PLAGL1: variants seen among roughly 807,000 people sequenced by gnomAD.
The protein encoded by PLAGL1 is PLAG1 like zinc finger 1.
PLAGL1 carries 1 observed loss-of-function variant against 4.6 expected under a neutral mutation model. That is an observed-to-expected ratio of 0.22 (90% CI 0.08 to 1.03). The LOEUF is 1.03. Ranked by LOEUF, PLAGL1 falls within the 50% of genes least tolerant of loss-of-function variation. The pLI is 0.58. For missense variants in PLAGL1, 464 were observed against 570.4 expected (o/e 0.81, Z 1.90); for synonymous variants, 240 against 237.8 (o/e 1.01, Z -0.08).
In PLAGL1 at chr6:143,997,968, C is replaced by T. The variant is rs548569936; in HGVS notation, c.-584+10122G>A. ...CCTCAACAGAAGCAGAGAAAAAGTA[C>T]TTTATGAAAGATAATTAGACTCTTT... On this transcript the variant is annotated intron_variant, in intron 1 of 7. Coordinates refer to ENST00000674357, the MANE Select transcript of PLAGL1 (RefSeq NM_001317162.2). The surrounding 1 kb of genome is among the most constrained non-coding windows in gnomAD (Gnocchi z 4.6). Among the ~76,000 whole-genome samples, 1 of 152,110 alleles carries T rather than the reference C, an allele frequency of 6.6e-6. No homozygotes were observed. The highest frequency in any genetic ancestry group is 1.5e-5 in the Non-Finnish European group (1 of 68,024).
rs2128555564 is a variant in PLAGL1 at position 143,960,849 on chromosome 6, A to G, written c.-398-307T>C. 6.6e-6 allele frequency: 1 copy of G among 152,342 alleles called. No individual in the cohort carries two copies. The highest frequency in any genetic ancestry group is 1.9e-4 in the East Asian group (1 of 5,186). 9.4% of individuals were successfully genotyped at this position (152,342 alleles called of 1,614,324 possible). A position where few individuals can be genotyped will look rare whatever the true frequency, so the allele number is the denominator to read the frequency against. ...GCACTCAGAGGAAATGGTATTTTTT[A>G]AAACCAACAGTATTAAAATACCATA... On this transcript the variant is annotated intron_variant, in intron 5 of 7. Coordinates refer to ENST00000674357, the MANE Select transcript of PLAGL1 (RefSeq NM_001317162.2). This position sits in a 1 kb window ranked among gnomAD's most constrained non-coding sequence, Gnocchi z 5.7.
intron 1 of PLAGL1, among the ~76,000 whole-genome samples, chr6:144,051,581 T>G (rs1418683796): frequency 6.6e-6 from 1 of 152,222 alleles, no homozygotes. Context: ...TCAAACATAT[T>G]GTATTAGTCC....
rs1015059155 is a variant in PLAGL1, at chr6:143,949,446, C to T, written c.-324-986G>A. On this transcript the variant is annotated intron_variant, in intron 6 of 7. Transcript: ENST00000674357. This position sits in a 1 kb window ranked among gnomAD's most constrained non-coding sequence, Gnocchi z 5.3. ...TGAGAAACTGTGTTCCAAAAATTTA[C>T]ACTTGGAGATGTCTCCTCCTAGCTT... 3.3e-5 allele frequency among the ~76,000 whole-genome samples: 5 copies of T among 152,176 alleles called. No individual in the cohort carries two copies. Among genetic ancestry groups the T allele is most frequent in the Non-Finnish European group, 7.3e-5 (5 of 68,034 alleles).
intron 1 of PLAGL1, among the ~76,000 whole-genome samples, chr6:144,019,992 C>T (rs530674579): frequency 6.6e-6 from 1 of 152,178 alleles, no homozygotes; most frequent in East Asian, 1.9e-4. Context: ...AAATCATAAT[C>T]CCCAATGTGA....
chr6:144,060,500 A>G (rs1799309516), intron 1 of PLAGL1, among the ~76,000 whole-genome samples: 1 of 152,150 alleles, frequency 6.6e-6, no homozygotes, highest in East Asian at 1.9e-4. Flanking sequence ...TTTTTTGATT[A>G]CTTGATTGAG....
rs1362584529 is a variant in PLAGL1 at position 143,994,464 on chromosome 6, C to T, written c.-583-9290G>A. On this transcript the variant is annotated intron_variant, in intron 1 of 7. Coordinates refer to ENST00000674357, the MANE Select transcript of PLAGL1 (RefSeq NM_001317162.2). The surrounding 1 kb of genome is among the most constrained non-coding windows in gnomAD (Gnocchi z 4.3). ...GGTATTACCATTAAAGCGTATGACACTGATTTTACACTCTGCAGAAGTGCG... is the reference window on the plus strand; with the variant it reads ...GGTATTACCATTAAAGCGTATGACATTGATTTTACACTCTGCAGAAGTGCG... Among the ~76,000 whole-genome samples, 1 of 152,178 alleles carries T rather than the reference C, an allele frequency of 6.6e-6. No homozygotes were observed. Among genetic ancestry groups the T allele is most frequent in the African/African-American group, 2.4e-5 (1 of 41,438 alleles).
chr6:143,992,311 G>A (rs1362536740), intron 1 of PLAGL1, among the ~76,000 whole-genome samples: 1 of 152,168 alleles, frequency 6.6e-6, no homozygotes, highest in Non-Finnish European at 1.5e-5. Context: ...TGACAAAGGT[G>A]GTACAATCAC....
At chr6:143,969,889 A>G (rs948300384) in intron 2 of PLAGL1, among the ~76,000 whole-genome samples, 2 of 152,096 alleles carry the variant, frequency 1.3e-5, no homozygotes, top group Non-Finnish European at 2.9e-5. Flanking sequence ...CCAATCATTC[A>G]CCTTGAGATA....
At chr6:144,030,325 T>C (rs1359965338) in intron 1 of PLAGL1, among the ~76,000 whole-genome samples, 1 of 143,064 alleles carries the variant, frequency 7.0e-6, no homozygotes, top group Non-Finnish European at 1.5e-5. Context: ...GTTCATATAA[T>C]GGAATAAGGT....
At chr6:144,023,822 A>T in intron 1 of PLAGL1, among the ~76,000 whole-genome samples, 1 of 127,750 alleles carries the variant, frequency 7.8e-6, no homozygotes, top group East Asian at 2.3e-4. Context: ...TGTTGCCCAG[A>T]CTGGAGTGCA....
Position 144,016,116 on chromosome 6 carries a change from A to C in PLAGL1, c.-150-47138T>G, listed in dbSNP as rs1471666035. Among the ~76,000 whole-genome samples, 1 of 152,160 alleles carries C rather than the reference A, an allele frequency of 6.6e-6. No homozygotes were observed. The highest frequency in any genetic ancestry group is 1.9e-4 in the East Asian group (1 of 5,192). ...ATAAGAGATATACATATGTGTATAT[A>C]TATATATACACACACATATACATAT... is the stretch of plus-strand genomic sequence containing the variant. On this transcript the variant is annotated intron_variant, in intron 1 of 3. Coordinates refer to the PLAGL1 transcript ENST00000437412. This position sits in a 1 kb window ranked among gnomAD's most constrained non-coding sequence, Gnocchi z 4.2.
chr6:144,018,721 T>TA (rs1235464001), intron 1 of PLAGL1, among the ~76,000 whole-genome samples: 2 of 152,288 alleles, frequency 1.3e-5, no homozygotes, highest in African/African-American at 2.4e-5. Flanking sequence ...GCAAGAACTT[T>TA]AAAAAAAGTT....
chr6:144,029,120 A>C (rs560298558), intron 1 of PLAGL1, among the ~76,000 whole-genome samples: 1 of 152,322 alleles, frequency 6.6e-6, no homozygotes, highest in Admixed American at 6.5e-5. Flanking sequence ...CTATATCACA[A>C]GTAAAGCACC....
rs1798347349 is a variant in PLAGL1 at position 144,048,564 on chromosome 6, T to C, written c.-151+15904A>G. Among the ~76,000 whole-genome samples the C allele has an allele frequency of 6.6e-6, 1 of 152,228 alleles. No homozygotes were observed. The highest frequency in any genetic ancestry group is 1.5e-5 in the Non-Finnish European group (1 of 68,038). On this transcript the variant is annotated intron_variant, in intron 1 of 3. Transcript: ENST00000437412. The surrounding 1 kb of genome is among the most constrained non-coding windows in gnomAD (Gnocchi z 4.8). ...ATGGAAGCCTCCAAGGCTTACAGCT[T>C]GCAGTCTCTGAAGCAATGGCTTGAG...
Position 143,985,942 on chromosome 6 carries a change from A to ATATATATACACATATATATCAAAT in PLAGL1, c.-583-792_-583-769dup, listed in dbSNP as rs1788952781. ...GTATACACACACATATATATAAAAGATATATATACACATATATATCAAATT... is the reference window on the plus strand; with the variant it reads ...GTATACACACACATATATATAAAAGATATATATACACATATATATCAAATTATATATACACATATATATCAAATT... On this transcript the variant is annotated intron_variant, in intron 1 of 7. Transcript: ENST00000674357. This position sits in a 1 kb window ranked among gnomAD's most constrained non-coding sequence, Gnocchi z 4.4. Among the ~76,000 whole-genome samples the ATATATATACACATATATATCAAAT allele has an allele frequency of 7.0e-6, 1 of 143,652 alleles. No homozygotes were observed. Among genetic ancestry groups the ATATATATACACATATATATCAAAT allele is most frequent in the Admixed American group, 7.0e-5 (1 of 14,208 alleles). 94.2% of individuals were successfully genotyped at this position (143,652 alleles called of 152,430 possible).
At chr6:144,038,272 C>T (rs1648210965) in intron 1 of PLAGL1, among the ~76,000 whole-genome samples, 1 of 152,210 alleles carries the variant, frequency 6.6e-6, no homozygotes, top group Non-Finnish European at 1.5e-5. Flanking sequence ...GGCTTCTTCA[C>T]TACATAAGGT....
At chr6:143,987,971 A>T (rs559564517) in intron 1 of PLAGL1, among the ~76,000 whole-genome samples, 1 of 152,328 alleles carries the variant, frequency 6.6e-6, no homozygotes, top group South Asian at 2.1e-4. Flanking sequence ...CTTGTTTCTC[A>T]TATCTTTCTA....
rs1797114250 is a variant in PLAGL1, at chr6:144,035,000, A to G, written c.-151+29468T>C. 3.3e-5 allele frequency among the ~76,000 whole-genome samples: 5 copies of G among 152,360 alleles called. No individual in the cohort carries two copies. In the South Asian group the frequency reaches 1.0e-3, roughly 32 times the overall value. On this transcript the variant is annotated intron_variant, in intron 1 of 3. Transcript: ENST00000437412. This position sits in a 1 kb window ranked among gnomAD's most constrained non-coding sequence, Gnocchi z 4.7. ...TATGTAATACATTGAGAACAGTTAA[A>G]TGTTAATGATAGAATCTAGTGGTGG...
rs1459787651 is a variant in PLAGL1, at chr6:143,971,565, T to C, written c.-543-2587A>G. On this transcript the variant is annotated intron_variant, in intron 2 of 7. Transcript: ENST00000674357. This position sits in a 1 kb window ranked among gnomAD's most constrained non-coding sequence, Gnocchi z 4.7. ...AAATAGGTTATAAGTTGAGAATAGCTAAGAAATTGGGTTTGTCCCAGTGTT... is the reference window on the plus strand; with the variant it reads ...AAATAGGTTATAAGTTGAGAATAGCCAAGAAATTGGGTTTGTCCCAGTGTT... Among the ~76,000 whole-genome samples, 1 of 152,222 alleles carries C rather than the reference T, an allele frequency of 6.6e-6. No homozygotes were observed. Among genetic ancestry groups the C allele is most frequent in the Non-Finnish European group, 1.5e-5 (1 of 68,028 alleles).
Sources: gnomAD v4.1 joint callset for allele counts (sites outside exome capture counted in the v4.1 genomes callset) on GRCh38, gnomAD v4.1.1 for gene constraint, Gnocchi (gnomAD v3.1) non-coding constraint, MANE v1.5 for transcripts, NCBI Gene and HGNC (gene_info 2026-07-23, HGNC 2026-07-21) for gene names.